The following RIMS2 variants were observed in gnomAD, a reference collection of about 807,000 sequenced individuals.
RIMS2 encodes regulating synaptic membrane exocytosis 2, also known as regulating synaptic membrane exocytosis protein 2.
In RIMS2, 59 loss-of-function variants were observed where a neutral mutation model predicts 174.4. The observed-to-expected ratio is 0.34, with a 90% CI of 0.27 to 0.42. The LOEUF (loss-of-function observed/expected upper bound fraction) is 0.42, where lower values mean the gene tolerates loss of function less well. Ranked by LOEUF, RIMS2 falls within the 10% of genes least tolerant of loss-of-function variation. The probability of loss-of-function intolerance (pLI) is 1.00; values close to 1 mark genes in which losing one functional copy is unlikely to be tolerated. For synonymous variants in RIMS2, 606 were observed against 572.5 expected (o/e 1.06, Z -0.84); for missense variants, 1,620 against 1,666.3 (o/e 0.97, Z 0.48).
intron 3 of RIMS2, among the ~76,000 whole-genome samples, chr8:103,787,855 C>A (rs1189734577): frequency 6.6e-6 from 1 of 152,088 alleles, no homozygotes; most frequent in African/African-American, 2.4e-5. Flanking sequence ...GGATAATATC[C>A]TGCAGAGTGT....
intron 4 of RIMS2, among the ~76,000 whole-genome samples, chr8:103,904,822 T>C (rs954484767): frequency 1.3e-5 from 2 of 152,198 alleles, no homozygotes; most frequent in African/African-American, 4.8e-5. Flanking sequence ...TTCTTTTCCT[T>C]GCCTTCCTAC....
intron 15 of RIMS2, among the ~76,000 whole-genome samples, chr8:103,964,891 A>G (rs990965277): frequency 1.3e-5 from 2 of 152,142 alleles, no homozygotes; most frequent in Non-Finnish European, 2.9e-5. Flanking sequence ...TTGTTCCAGC[A>G]CCATTTGTTG....
At chr8:103,762,020 ATT>A (rs201961741) in intron 2 of RIMS2, among the ~76,000 whole-genome samples, 27 of 139,756 alleles carry the variant, frequency 1.9e-4, no homozygotes, top group African/African-American at 3.4e-4. Context: ...CCTAATGTAA[ATT>A]TTTTTTTTTT....
intron 2 of RIMS2, among the ~76,000 whole-genome samples, chr8:103,697,546 G>GAAA (rs35424647): frequency 7.6e-6 from 1 of 131,736 alleles, no homozygotes; most frequent in Non-Finnish European, 1.6e-5. Flanking sequence ...CTGTCTCTAC[G>GAAA]AAAAAAAAAA....
At chr8:103,568,851 T>G (rs1430782697) in intron 1 of RIMS2, 1 of 1,159,124 alleles carries the variant, frequency 8.6e-7, no homozygotes, top group African/African-American at 1.5e-5. Flanking sequence ...AGCTGGCTGG[T>G]CTTTGTTAAT....
At chr8:104,211,848 T>C (rs1172984246) in intron 19 of RIMS2, among the ~76,000 whole-genome samples, 1 of 152,142 alleles carries the variant, frequency 6.6e-6, no homozygotes, top group African/African-American at 2.4e-5. Flanking sequence ...AGCTGCTTTA[T>C]GAGGAATATC....
chr8:103,946,510 A>T (rs2154541086), intron 14 of RIMS2, among the ~76,000 whole-genome samples: 1 of 152,334 alleles, frequency 6.6e-6, no homozygotes, highest in African/African-American at 2.4e-5. Context: ...CAAATGAAAA[A>T]CAAAAACAAA....
At position 104,144,675 on chromosome 8, in the gene RIMS2, C is replaced by A. The variant is rs185433548; in HGVS notation, c.3335-100241C>A. ...ATCCTTTCATATTTTTGGCTACATA[C>A]ATTTATATTTTTCCCCTAAAAATAA... On this transcript the variant is annotated intron_variant, in intron 19 of 23. Coordinates refer to ENST00000504942, the Ensembl canonical transcript of RIMS2. Among the ~76,000 whole-genome samples, 1,427 of 152,164 alleles carry A rather than the reference C, an allele frequency of 9.4e-3. 27 individuals carry two copies. The highest frequency in any genetic ancestry group is 0.032 in the African/African-American group (1,325 of 41,522).
intron 4 of RIMS2, among the ~76,000 whole-genome samples, chr8:103,895,736 T>C (rs1159440337): frequency 6.6e-6 from 1 of 151,620 alleles, no homozygotes; most frequent in East Asian, 1.9e-4. Context: ...GTAATAACTC[T>C]GGATTCTTAC....
intron 19 of RIMS2, among the ~76,000 whole-genome samples, chr8:104,132,890 G>A (rs891823652): frequency 6.6e-6 from 1 of 152,118 alleles, no homozygotes; most frequent in Non-Finnish European, 1.5e-5. Context: ...GCATCACCTG[G>A]GAATTTGTTA....
chr8:104,014,358 C>T, intron 18 of RIMS2, 148 bp from the exon 21 acceptor site: 2 of 515,574 alleles, frequency 3.9e-6, no homozygotes, highest in Non-Finnish European at 7.0e-6. Flanking sequence ...TTCAGATATC[C>T]ATATTTTGTC....
In RIMS2 at chr8:104,074,611, A is replaced by C. The variant is rs59839080; in HGVS notation, c.3334+59996A>C. 9.1e-3 allele frequency among the ~76,000 whole-genome samples: 1,393 copies of C among 152,296 alleles called. 14 individuals are homozygous for C. The highest frequency in any genetic ancestry group is 0.031 in the African/African-American group (1,279 of 41,558). On this transcript the variant is annotated intron_variant, in intron 19 of 23. Transcript: ENST00000504942. ...ATGTTCCCTTTACTCTCAAATAAGG[A>C]GATTCAAGTAGCACAAATCTAAAAG...
intron 3 of RIMS2, among the ~76,000 whole-genome samples, chr8:103,841,311 T>TA (rs1273290192): frequency 2.0e-5 from 3 of 152,220 alleles, no homozygotes; most frequent in African/African-American, 7.2e-5. Context: ...AATTGCTGCT[T>TA]TTTTTCTTAC....
Position 103,834,423 on chromosome 8 carries a change from A to G in RIMS2, c.699-50875A>G, listed in dbSNP as rs370647883. 4.7e-4 allele frequency among the ~76,000 whole-genome samples: 70 copies of G among 150,268 alleles called. 1 individual carries two copies. In the South Asian group the frequency reaches 0.015, roughly 32 times the overall value. On this transcript the variant is annotated intron_variant, in intron 3 of 23. Transcript: ENST00000504942. ...ACAATTATTGCTCACTGCAGCTTCA[A>G]ACTCCTGGGTTGAAGGAATCCTCCT...
chr8:103,711,861 A>C (rs1048654134), intron 2 of RIMS2, among the ~76,000 whole-genome samples: 1 of 151,712 alleles, frequency 6.6e-6, no homozygotes, highest in African/African-American at 2.4e-5. Flanking sequence ...CTGCCACTGC[A>C]CTCCAGCCTA....
chr8:103,847,896 G>A (rs1396389937), intron 3 of RIMS2, among the ~76,000 whole-genome samples: 1 of 152,018 alleles, frequency 6.6e-6, no homozygotes, highest in Non-Finnish European at 1.5e-5. Context: ...GGGTGGAGTT[G>A]GTGAGGACAG....
intron 19 of RIMS2, among the ~76,000 whole-genome samples, chr8:104,243,866 T>G (rs1243416148): frequency 6.6e-6 from 1 of 152,166 alleles, no homozygotes; most frequent in Non-Finnish European, 1.5e-5. Context: ...ACTTCACATC[T>G]CAACACTCAT....
intron 3 of RIMS2, among the ~76,000 whole-genome samples, chr8:103,802,886 G>A (rs1189498323): frequency 1.3e-5 from 2 of 152,142 alleles, no homozygotes; most frequent in Non-Finnish European, 2.9e-5. Context: ...TTTTAATAAA[G>A]ATGAAGATAC....
intron 19 of RIMS2, among the ~76,000 whole-genome samples, chr8:104,040,422 A>G (rs2096589245): frequency 6.6e-6 from 1 of 151,722 alleles, no homozygotes; most frequent in African/African-American, 2.4e-5. Context: ...AGTTTAACAG[A>G]CATTTTTCTG....
Sources: allele counts gnomAD v4.1 joint callset (sites outside exome capture counted in the v4.1 genomes callset), GRCh38; gene constraint gnomAD v4.1.1; transcripts MANE v1.5; gene names NCBI Gene and HGNC (gene_info 2026-07-23, HGNC 2026-07-21).